The following LMBR1 variants were observed in gnomAD, a reference collection of about 807,000 sequenced individuals.
The protein encoded by LMBR1 is limb development membrane protein 1, also known as limb region 1 protein homolog.
LMBR1 carries 52 observed loss-of-function variants against 73.9 expected under a neutral mutation model. That is an observed-to-expected ratio of 0.70 (90% CI 0.56 to 0.89). LMBR1 has a LOEUF of 0.89. Among genes scored for constraint, LMBR1 ranks in the 40% least tolerant of loss-of-function variants. LMBR1 has a pLI of 0.00. For synonymous variants in LMBR1, 215 were observed against 209.4 expected, an observed-to-expected ratio of 1.03 and a Z score of -0.23; for missense variants, 539 against 579.8, an observed-to-expected ratio of 0.93 and a Z score of 0.72.
intron 4 of LMBR1, among the ~76,000 whole-genome samples, chr7:156,819,448 A>G (rs1834412945): frequency 6.6e-6 from 1 of 152,198 alleles, no homozygotes; most frequent in African/African-American, 2.4e-5. Flanking sequence ...AATATTCCTA[A>G]TGATATAATT....
intron 1 of LMBR1, among the ~76,000 whole-genome samples, chr7:156,851,470 CAAT>C (rs914777459): frequency 2.6e-5 from 4 of 152,204 alleles, no homozygotes; most frequent in African/African-American, 9.6e-5. Flanking sequence ...TTAATGTCAT[CAAT>C]AATATTATAC....
chr7:156,809,174 T>C (rs147148858), intron 4 of LMBR1, among the ~76,000 whole-genome samples: 11 of 152,344 alleles, frequency 7.2e-5, no homozygotes, highest in African/African-American at 2.4e-4. Flanking sequence ...TTCCTAGATA[T>C]CTATCTCCTA....
rs1488713618 is a variant in LMBR1 at position 156,875,146 on chromosome 7, T to A, written c.66+17782A>T. The stretch of plus-strand genomic sequence containing the variant: ...GAAATAAAGGACACACTTAGAGAAA[T>A]GCAAAATTTTCTGGAAAGTCTCAGC... On this transcript the variant is annotated intron_variant, in intron 1 of 16. Transcript: ENST00000353442. Among the ~76,000 whole-genome samples, 6 of 151,840 alleles carry A rather than the reference T, an allele frequency of 4.0e-5. No individual in the cohort carries two copies. In the East Asian group the frequency reaches 1.2e-3, roughly 29 times the overall value.
intron 1 of LMBR1, among the ~76,000 whole-genome samples, chr7:156,845,488 G>C (rs1839433062): frequency 1.3e-5 from 2 of 151,980 alleles, no homozygotes; most frequent in Non-Finnish European, 2.9e-5. Context: ...ATGTAATAAA[G>C]ATGAGACATA....
At chr7:156,761,196 C>T (rs1431486118) in intron 8 of LMBR1, among the ~76,000 whole-genome samples, 2 of 152,132 alleles carry the variant, frequency 1.3e-5, no homozygotes, top group Non-Finnish European at 2.9e-5. Context: ...CTGTGAAAGG[C>T]TTTGTAACAT....
intron 8 of LMBR1, among the ~76,000 whole-genome samples, chr7:156,758,545 C>A (rs1822357411): frequency 6.6e-6 from 1 of 152,152 alleles, no homozygotes; most frequent in African/African-American, 2.4e-5. Flanking sequence ...TTGGTGCTGT[C>A]CACACAGTAA....
chr7:156,842,378 GTTAT>G (rs1340276093), intron 1 of LMBR1, among the ~76,000 whole-genome samples: 22 of 151,894 alleles, frequency 1.4e-4, no homozygotes, highest in African/African-American at 5.1e-4. Context: ...AACAAAGACA[GTTAT>G]TTAATTAAGA....
chr7:156,724,585 A>C (rs1475696831), intron 14 of LMBR1, among the ~76,000 whole-genome samples: 2 of 152,074 alleles, frequency 1.3e-5, no homozygotes, highest in Admixed American at 1.3e-4. Context: ...TCTATTTCTA[A>C]TGTTAATTGT....
intron 1 of LMBR1, among the ~76,000 whole-genome samples, chr7:156,889,623 G>C (rs1457532881): frequency 2.0e-5 from 3 of 152,138 alleles, no homozygotes; most frequent in Non-Finnish European, 4.4e-5. Flanking sequence ...AACAGGTGAG[G>C]AGAGTCAGAA....
At chr7:156,751,268 T>C (rs1563275627) in intron 9 of LMBR1, among the ~76,000 whole-genome samples, 1 of 152,100 alleles carries the variant, frequency 6.6e-6, no homozygotes, top group South Asian at 2.1e-4. Context: ...GGCTTAGTGA[T>C]ACAATCGATA....
downstream of LMBR1, chr7:156,676,772 G>C: frequency 2.8e-6 from 2 of 722,986 alleles, no homozygotes; most frequent in Admixed American, 4.8e-5. Flanking sequence ...AGGGAAATAA[G>C]CTATTGGTAG....
chr7:156,766,978 T>G (rs141038121), intron 5 of LMBR1, among the ~76,000 whole-genome samples: 2 of 152,112 alleles, frequency 1.3e-5, no homozygotes, highest in African/African-American at 4.8e-5. Flanking sequence ...CTGATGTCAT[T>G]ACAAATTTGG....
At chr7:156,756,504 A>G (rs201614733) in intron 8 of LMBR1, 39 bp from the exon 9 acceptor site, 1 of 946,550 alleles carries the variant, frequency 1.1e-6, no homozygotes, top group East Asian at 2.4e-5. Flanking sequence ...ATTCAACGTT[A>G]TAAAACGAAT....
At chr7:156,785,407 A>G (rs1346009225) in intron 5 of LMBR1, among the ~76,000 whole-genome samples, 2 of 152,244 alleles carry the variant, frequency 1.3e-5, no homozygotes, top group Admixed American at 1.3e-4. Flanking sequence ...AAAAGTAACC[A>G]AAACCATCAG....
chr7:156,786,232 A>C (rs1384379656), intron 5 of LMBR1, among the ~76,000 whole-genome samples: 1 of 137,142 alleles, frequency 7.3e-6, no homozygotes, highest in Non-Finnish European at 1.6e-5. Context: ...AGGGAAGAGA[A>C]GGAGGAAGGA....
intron 1 of LMBR1, among the ~76,000 whole-genome samples, chr7:156,867,229 C>A (rs978279628): frequency 6.6e-6 from 1 of 152,090 alleles, no homozygotes; most frequent in African/African-American, 2.4e-5. Flanking sequence ...CCACTTCATA[C>A]CCACTAGAAT....
intron 15 of LMBR1, among the ~76,000 whole-genome samples, chr7:156,697,581 C>A (rs571782028): frequency 6.6e-6 from 1 of 152,154 alleles, no homozygotes. Flanking sequence ...TATCAATATT[C>A]CTTTCTAGGA....
At chr7:156,713,008 TAC>T (rs1034626508) in intron 15 of LMBR1, among the ~76,000 whole-genome samples, 26 of 152,284 alleles carry the variant, frequency 1.7e-4, no homozygotes, top group African/African-American at 6.3e-4. Flanking sequence ...TGTAAATTTA[TAC>T]AAAAATAAAT....
At chr7:156,713,978 C>T (rs917723515) in intron 15 of LMBR1, among the ~76,000 whole-genome samples, 1 of 152,176 alleles carries the variant, frequency 6.6e-6, no homozygotes, top group Non-Finnish European at 1.5e-5. Flanking sequence ...GCATGTACTA[C>T]AGAAGCTACA....
Sources: allele counts gnomAD v4.1 joint callset (sites outside exome capture counted in the v4.1 genomes callset), GRCh38; gene constraint gnomAD v4.1.1; transcripts MANE v1.5; gene names NCBI Gene and HGNC (gene_info 2026-07-23, HGNC 2026-07-21).